RAD50: variants seen among roughly 807,000 people sequenced by gnomAD.
RAD50 encodes DNA repair protein RAD50.
RAD50 carries 132 observed loss-of-function variants against 168.8 expected under a neutral mutation model. That is an observed-to-expected ratio of 0.78 (90% CI 0.68 to 0.90). The LOEUF (loss-of-function observed/expected upper bound fraction) is 0.90. Ranked by LOEUF, RAD50 falls within the 40% of genes least tolerant of loss-of-function variation. The pLI is 0.00. For synonymous variants in RAD50, 525 were observed against 497.4 expected (o/e 1.06, Z -0.74); for missense variants, 1,347 against 1,534.4 (o/e 0.88, Z 2.04).
At chr5:132,618,626 C>T (rs1296788265) in intron 21 of RAD50, among the ~76,000 whole-genome samples, 1 of 152,206 alleles carries the variant, frequency 6.6e-6, no homozygotes, top group Non-Finnish European at 1.5e-5. Flanking sequence ...GATCCACCCG[C>T]CTCGGCCTCC....
At chr5:132,559,033 G>A (rs762007206) in intron 1 of RAD50, among the ~76,000 whole-genome samples, 60 of 152,206 alleles carry the variant, frequency 3.9e-4, no homozygotes, top group Middle Eastern at 3.4e-3. Context: ...AGTTTAAAGG[G>A]TTTCAGTTGA....
chr5:132,624,009 G>A (rs1751327904), intron 21 of RAD50, among the ~76,000 whole-genome samples: 1 of 152,200 alleles, frequency 6.6e-6, no homozygotes, highest in South Asian at 2.1e-4. Context: ...GAAATATTGG[G>A]AGTGAGCCAA....
Position 132,557,105 on chromosome 5 carries a change from G to T in RAD50, c.-220G>T, listed in dbSNP as rs2149829852. The stretch of plus-strand genomic sequence containing the variant: ...CCCCGCCTCCGCTCTCCCCACCGGC[G>T]GGGAAAGCAGCTGGTGTGGGAGGAA... On this transcript the variant is annotated 5_prime_UTR_variant, in exon 1 of 25. Coordinates refer to ENST00000378823, the MANE Select transcript of RAD50 (RefSeq NM_005732.4). 1.4e-6 allele frequency: 1 copy of T among 700,004 alleles called. No individual in the cohort carries two copies. Among genetic ancestry groups the T allele is most frequent in the East Asian group, 2.9e-5 (1 of 34,972 alleles). 43.4% of individuals were successfully genotyped at this position (700,004 alleles called of 1,614,324 possible).
intron 21 of RAD50, among the ~76,000 whole-genome samples, chr5:132,629,448 G>C (rs1479962174): frequency 1.3e-5 from 2 of 152,190 alleles, no homozygotes; most frequent in African/African-American, 2.4e-5. Context: ...GCCTGGCGGG[G>C]TGGAGAGGTA....
intron 13 of RAD50, among the ~76,000 whole-genome samples, chr5:132,597,173 G>T (rs1750805760): frequency 6.6e-6 from 1 of 152,112 alleles, no homozygotes; most frequent in Admixed American, 6.5e-5. Flanking sequence ...AGAAAAACCA[G>T]GAGAGTGAAA....
rs786203703 is a variant in RAD50 at position 132,618,109 on chromosome 5, A to G, written c.3204A>G (p.Lys1068=). 6.2e-7 allele frequency: 1 copy of G among 1,613,738 alleles called. No homozygotes were observed. Among genetic ancestry groups the G allele is most frequent in the East Asian group, 2.2e-5 (1 of 44,806 alleles). ...QKLEENIDNI[K]RNHNLALGRQ... is the part of the protein sequence containing the mutation. ...TGGAAGAGAACATAGACAATATAAA[A>G]AGAAATCATAATTTGGCATTAGGGC... is the stretch of plus-strand genomic sequence containing the variant. The change falls in exon 21 of 25, where the codon AAA becomes AAG. Residue 1068 remains lysine (K), a synonymous_variant. Coordinates refer to ENST00000378823, the MANE Select transcript of RAD50 (RefSeq NM_005732.4).
intron 21 of RAD50, among the ~76,000 whole-genome samples, chr5:132,619,901 G>C (rs923059568): frequency 7.8e-6 from 1 of 127,772 alleles, no homozygotes; most frequent in South Asian, 2.3e-4. Context: ...GAGAGAGAGA[G>C]AGATATATCT....
chr5:132,578,534 T>C (rs1209585063), intron 3 of RAD50, among the ~76,000 whole-genome samples: 5 of 143,684 alleles, frequency 3.5e-5, no homozygotes, highest in African/African-American at 1.0e-4. Flanking sequence ...CTTTTTTTTT[T>C]TTTTTTTTTT....
At chr5:132,633,508 A>G (rs1204522030) in intron 21 of RAD50, among the ~76,000 whole-genome samples, 2 of 152,008 alleles carry the variant, frequency 1.3e-5, no homozygotes, top group African/African-American at 4.8e-5. Flanking sequence ...TTATTTAGAA[A>G]GGCTTCCCAA....
At chr5:132,573,164 A>T (rs1348621844) in intron 2 of RAD50, among the ~76,000 whole-genome samples, 3 of 152,122 alleles carry the variant, frequency 2.0e-5, no homozygotes, top group Non-Finnish European at 4.4e-5. Flanking sequence ...ACTTACTCTC[A>T]TGTGGTTTGG....
At position 132,612,612 on chromosome 5, in the gene RAD50, A is replaced by G. The variant is rs1352974187; in HGVS notation, c.3036+3216A>G. On this transcript the variant is annotated intron_variant, in intron 19 of 24. Coordinates refer to ENST00000378823, the MANE Select transcript of RAD50 (RefSeq NM_005732.4). ...CACTTTGGGAGGCCGAGGCGGGCAG[A>G]TTGCTTGAGCCTGGGAGTTCCAGAC... Among the ~76,000 whole-genome samples the G allele has an allele frequency of 5.9e-5, 9 of 152,146 alleles. No individual in the cohort carries two copies. In the East Asian group the frequency reaches 1.3e-3, roughly 23 times the overall value.
chr5:132,606,667 AAAAG>A (rs781704497), intron 16 of RAD50, among the ~76,000 whole-genome samples: 31 of 152,222 alleles, frequency 2.0e-4, no homozygotes, highest in Non-Finnish European at 3.8e-4. Flanking sequence ...ACACAACAAA[AAAAG>A]AAAATTTCAG....
intron 2 of RAD50, among the ~76,000 whole-genome samples, chr5:132,559,754 A>G (rs912890881): frequency 2.6e-5 from 4 of 152,114 alleles, no homozygotes; most frequent in African/African-American, 9.7e-5. Context: ...ATTTTCTTAC[A>G]TTAGATTGCT....
At chr5:132,624,064 T>C (rs1245710430) in intron 21 of RAD50, among the ~76,000 whole-genome samples, 1 of 152,226 alleles carries the variant, frequency 6.6e-6, no homozygotes, top group African/African-American at 2.4e-5. Flanking sequence ...AGATTTTTGT[T>C]AGATTAAGTT....
chr5:132,574,890 T>G (rs1185354396), intron 2 of RAD50, among the ~76,000 whole-genome samples: 1 of 152,202 alleles, frequency 6.6e-6, no homozygotes, highest in South Asian at 2.1e-4. Context: ...TATCTCCATC[T>G]GAGACCACCT....
chr5:132,578,075 A>C (rs1240084361), intron 3 of RAD50, among the ~76,000 whole-genome samples: 1 of 151,998 alleles, frequency 6.6e-6, no homozygotes, highest in Non-Finnish European at 1.5e-5. Flanking sequence ...AGCCTCCCAA[A>C]GTGCTGGGAT....
In RAD50 at chr5:132,591,370, A is replaced by G. The variant is rs2149842312; in HGVS notation, c.1599A>G (p.Thr533=). 4 of 1,613,924 alleles carry G rather than the reference A, an allele frequency of 2.5e-6. No individual in the cohort carries two copies. The highest frequency in any genetic ancestry group is 3.4e-6 in the Non-Finnish European group (4 of 1,179,924). ...QEMEQLNHHT[T]TRTQMEMLTK... ...TGGAGCAGTTAAACCATCATACAAC[A>G]ACACGTACCCAAATGGAGATGCTGA... Residue 533 remains threonine (T), a synonymous_variant, in exon 10 of 25, where the codon ACA becomes ACG. Transcript: ENST00000378823.
chr5:132,594,200 A>G (rs1750750173), intron 11 of RAD50, among the ~76,000 whole-genome samples: 1 of 152,244 alleles, frequency 6.6e-6, no homozygotes, highest in Non-Finnish European at 1.5e-5. Flanking sequence ...ACATATACAT[A>G]CAGCCTACTC....
At chr5:132,592,523 ACT>A (rs1183043827) in intron 11 of RAD50, among the ~76,000 whole-genome samples, 1 of 151,914 alleles carries the variant, frequency 6.6e-6, no homozygotes, top group Non-Finnish European at 1.5e-5. Flanking sequence ...GTGGAAAAGG[ACT>A]CTCTGGTGAA....
Sources: allele counts gnomAD v4.1 joint callset (sites outside exome capture counted in the v4.1 genomes callset), GRCh38; gene constraint gnomAD v4.1.1; transcripts MANE v1.5; gene names NCBI Gene and HGNC (gene_info 2026-07-23, HGNC 2026-07-21).